Variants in DPYD observed in about 807,000 individuals in gnomAD.
DPYD encodes dihydropyrimidine dehydrogenase [NADP(+)].
In DPYD, 109 loss-of-function variants were observed where a neutral mutation model predicts 116.2. The ratio of observed to expected loss-of-function variants is 0.94; its 90% confidence interval spans 0.80 to 1.10. The LOEUF (loss-of-function observed/expected upper bound fraction) is 1.10. Ranked by LOEUF, DPYD falls within the 50% of genes least tolerant of loss-of-function variation. The pLI is 0.00. For synonymous variants in DPYD, 440 were observed against 432.0 expected (o/e 1.02, Z -0.23); for missense variants, 1,302 against 1,254.5 (o/e 1.04, Z -0.57).
chr1:97,304,376 G>C (rs2101032589), intron 18 of DPYD, among the ~76,000 whole-genome samples: 1 of 152,042 alleles, frequency 6.6e-6, no homozygotes. Flanking sequence ...TGACATTGTG[G>C]GAATGGCATT....
At chr1:97,469,437 A>C (rs1677519055) in intron 13 of DPYD, among the ~76,000 whole-genome samples, 1 of 147,146 alleles carries the variant, frequency 6.8e-6, no homozygotes, top group African/African-American at 2.5e-5. Context: ...AAGACAAATA[A>C]ATAAAATGCC....
chr1:97,163,292 A>C (rs1416677751), intron 20 of DPYD, among the ~76,000 whole-genome samples: 1 of 152,154 alleles, frequency 6.6e-6, no homozygotes, highest in Admixed American at 6.6e-5. Flanking sequence ...CAAGAAAAAA[A>C]CAAACAACCC....
chr1:97,642,047 G>A (rs567588669), intron 8 of DPYD, among the ~76,000 whole-genome samples: 11 of 151,998 alleles, frequency 7.2e-5, no homozygotes, highest in Non-Finnish European at 1.5e-4. Context: ...ATTACAAGGG[G>A]TGTGAAGGAC....
chr1:97,740,573 T>C lies in DPYD; in HGVS notation c.234-94A>G, dbSNP rs965685600. Reference sequence around the variant, plus strand: ...TCATTCAGAGTCCGTGTCTAGTAAGTATAAATAAAATCGTATCATTTTTAG... The same window carrying C: ...TCATTCAGAGTCCGTGTCTAGTAAGCATAAATAAAATCGTATCATTTTTAG... On this transcript the variant is annotated intron_variant, in intron 3 of 22. Coordinates refer to ENST00000370192, the MANE Select transcript of DPYD (RefSeq NM_000110.4). The C allele has an allele frequency of 6.5e-6, 7 of 1,068,884 alleles. No homozygotes were observed. In the East Asian group the frequency reaches 9.6e-5, roughly 15 times the overall value. 66.2% of individuals were successfully genotyped at this position (1,068,884 alleles called of 1,614,324 possible). A position where few individuals can be genotyped will look rare whatever the true frequency, so the allele number is the denominator to read the frequency against.
intron 4 of DPYD, among the ~76,000 whole-genome samples, chr1:97,729,711 A>G (rs1663480785): frequency 6.6e-6 from 1 of 152,018 alleles, no homozygotes; most frequent in Non-Finnish European, 1.5e-5. Flanking sequence ...ATTTTAAGTC[A>G]CTTCTATTAC....
At chr1:97,535,871 T>A (rs955848774) in intron 12 of DPYD, among the ~76,000 whole-genome samples, 1 of 152,176 alleles carries the variant, frequency 6.6e-6, no homozygotes, top group South Asian at 2.1e-4. Context: ...AGGAATATAA[T>A]TGTTAATAGA....
intron 2 of DPYD, among the ~76,000 whole-genome samples, chr1:97,836,319 T>C (rs1288073371): frequency 6.6e-6 from 1 of 152,174 alleles, no homozygotes; most frequent in Admixed American, 6.5e-5. Flanking sequence ...CTCAATCCAG[T>C]GATTTTGTTC....
chr1:97,365,949 T>A (rs903619816), intron 16 of DPYD, among the ~76,000 whole-genome samples: 6 of 152,192 alleles, frequency 3.9e-5, no homozygotes, highest in Admixed American at 1.3e-4. Flanking sequence ...TAATGTTTTT[T>A]ACTGCCACAT....
At chr1:97,605,243 T>C (rs572852649) in intron 8 of DPYD, among the ~76,000 whole-genome samples, 1 of 152,212 alleles carries the variant, frequency 6.6e-6, no homozygotes, top group Non-Finnish European at 1.5e-5. Flanking sequence ...CATATCGATA[T>C]GTGATATGGT....
chr1:97,917,495 C>G (rs1047668094), intron 1 of DPYD, among the ~76,000 whole-genome samples: 2 of 152,168 alleles, frequency 1.3e-5, no homozygotes, highest in Non-Finnish European at 2.9e-5. Context: ...AGAAAATTCC[C>G]AATTACCTTT....
intron 16 of DPYD, among the ~76,000 whole-genome samples, chr1:97,360,343 T>C (rs895880373): frequency 5.3e-5 from 8 of 152,044 alleles, no homozygotes; most frequent in Non-Finnish European, 1.2e-4. Context: ...CACACAATAA[T>C]AATGGGAGAT....
At chr1:97,274,908 CGA>C (rs1404181177) in intron 18 of DPYD, among the ~76,000 whole-genome samples, 1 of 151,998 alleles carries the variant, frequency 6.6e-6, no homozygotes, top group African/African-American at 2.4e-5. Context: ...GATATAAACA[CGA>C]GAGAGATGCA....
chr1:97,670,482 G>A (rs1011555799), intron 8 of DPYD, among the ~76,000 whole-genome samples: 106 of 152,252 alleles, frequency 7.0e-4, no homozygotes, highest in African/African-American at 2.5e-3. Context: ...AAGGCCATAG[G>A]AACACACAGG....
rs768507975 is a variant in DPYD at position 97,306,217 on chromosome 1, A to T, written c.2139T>A (p.Asn713Lys). 1.4e-5 allele frequency: 23 copies of T among 1,612,564 alleles called. No individual in the cohort carries two copies. Among genetic ancestry groups the T allele is most frequent in the Non-Finnish European group, 1.8e-5 (21 of 1,178,952 alleles). The change falls in exon 17 of 23, where the codon AAT becomes AAA. Residue 713 changes from asparagine to lysine, a missense_variant. Physicochemically the swap from Asn to Lys is moderately conservative, Grantham distance 94. Coordinates refer to ENST00000370192, the MANE Select transcript of DPYD (RefSeq NM_000110.4). ...QIPFFAKLTP[N>K]VTDIVSIARA... Reference sequence around the variant, plus strand: ...TTGCGATGCTCACAATATCAGTGACATTTGGGGTCAGCTTGGCAAAAAAAG... The same window carrying T: ...TTGCGATGCTCACAATATCAGTGACTTTTGGGGTCAGCTTGGCAAAAAAAG...
chr1:97,154,344 A>G (rs1483326152), intron 20 of DPYD, among the ~76,000 whole-genome samples: 3 of 152,234 alleles, frequency 2.0e-5, no homozygotes, highest in African/African-American at 7.2e-5. Flanking sequence ...TGGCATTTGT[A>G]GCAAGCCAGA....
At chr1:97,863,988 CA>C (rs989227063) in intron 2 of DPYD, among the ~76,000 whole-genome samples, 1 of 151,802 alleles carries the variant, frequency 6.6e-6, no homozygotes, top group African/African-American at 2.4e-5. Flanking sequence ...TTTAAGCACA[CA>C]ATAAAATGCC....
At chr1:97,599,574 C>G (rs1234583294) in intron 8 of DPYD, among the ~76,000 whole-genome samples, 1 of 152,036 alleles carries the variant, frequency 6.6e-6, no homozygotes, top group Non-Finnish European at 1.5e-5. Flanking sequence ...GTGATGCTTC[C>G]TGTCCTTGAA....
intron 18 of DPYD, among the ~76,000 whole-genome samples, chr1:97,303,568 T>G (rs923334556): frequency 6.6e-6 from 1 of 152,068 alleles, no homozygotes; most frequent in Non-Finnish European, 1.5e-5. Context: ...TAAAATATAT[T>G]ATCATTGCCT....
intron 3 of DPYD, among the ~76,000 whole-genome samples, chr1:97,809,685 C>T (rs1209355427): frequency 6.6e-6 from 1 of 152,064 alleles, no homozygotes; most frequent in Non-Finnish European, 1.5e-5. Context: ...ATGTAGTATA[C>T]ACAATATCAC....
Sources: allele counts gnomAD v4.1 joint callset (sites outside exome capture counted in the v4.1 genomes callset), GRCh38; gene constraint gnomAD v4.1.1; transcripts MANE v1.5; gene names NCBI Gene and HGNC (gene_info 2026-07-23, HGNC 2026-07-21).